The following SRGAP2B variants were observed in gnomAD, a reference collection of about 807,000 sequenced individuals.
SRGAP2B encodes the protein SLIT-ROBO Rho GTPase activating protein 2B, also known as SLIT-ROBO Rho GTPase-activating protein 2B.
SRGAP2B carries 9 observed loss-of-function variants against 22.2 expected under a neutral mutation model. The observed-to-expected ratio is 0.41, with a 90% CI of 0.24 to 0.71. The LOEUF (loss-of-function observed/expected upper bound fraction) is 0.71. Among genes scored for constraint, SRGAP2B ranks in the 30% least tolerant of loss-of-function variants. The pLI is 0.35. For missense variants in SRGAP2B, 114 were observed against 235.8 expected (o/e 0.48, Z 3.38); for synonymous variants, 36 against 87.4 (o/e 0.41, Z 3.28).
intron 2 of SRGAP2B, among the ~76,000 whole-genome samples, chr1:145,088,451 A>T (rs1653632770): frequency 7.0e-6 from 1 of 141,980 alleles, no homozygotes; most frequent in African/African-American, 2.6e-5. Flanking sequence ...CTCCTAAGAC[A>T]TTAAAAAAAA....
chr1:144,998,717 C>T (rs1414616505), intron 2 of SRGAP2B, among the ~76,000 whole-genome samples: 1 of 151,116 alleles, frequency 6.6e-6, no homozygotes, highest in Non-Finnish European at 1.5e-5. Context: ...TCAAAGAATC[C>T]ATACAGGCAT....
intron 4 of SRGAP2B, among the ~76,000 whole-genome samples, chr1:144,944,166 T>C (rs1553607965): frequency 6.6e-6 from 1 of 150,596 alleles, no homozygotes; most frequent in East Asian, 1.9e-4. Flanking sequence ...GGAAGATAAG[T>C]ACATCTAGAG....
chr1:145,007,366 T>C (rs1207555212), intron 2 of SRGAP2B, among the ~76,000 whole-genome samples: 2 of 150,570 alleles, frequency 1.3e-5, no homozygotes, highest in African/African-American at 5.0e-5. Context: ...GCAATGTTGA[T>C]TGGTTAACAA....
At chr1:145,005,474 T>G (rs1671529478) in intron 2 of SRGAP2B, among the ~76,000 whole-genome samples, 1 of 145,194 alleles carries the variant, frequency 6.9e-6, no homozygotes, top group South Asian at 2.2e-4. Context: ...GCATAAGTAC[T>G]GGCACATTGT....
chr1:144,962,543 C>T (rs1225824794), intron 3 of SRGAP2B, among the ~76,000 whole-genome samples: 1 of 100,946 alleles, frequency 9.9e-6, no homozygotes, highest in African/African-American at 4.1e-5. Context: ...CAAATTTAAG[C>T]TATCGTAGAC....
At chr1:145,058,647 G>A (rs1272643666) in intron 2 of SRGAP2B, among the ~76,000 whole-genome samples, 4 of 79,792 alleles carry the variant, frequency 5.0e-5, no homozygotes, top group Non-Finnish European at 7.0e-5. Flanking sequence ...TTTTTGAGAC[G>A]TTGTCTCACT....
chr1:145,002,783 T>A (rs1196535068), intron 2 of SRGAP2B, among the ~76,000 whole-genome samples: 1 of 142,476 alleles, frequency 7.0e-6, no homozygotes, highest in Non-Finnish European at 1.5e-5. Context: ...ACAAGATATA[T>A]AATTATATAG....
intron 3 of SRGAP2B, among the ~76,000 whole-genome samples, chr1:144,985,703 C>T (rs1191361086): frequency 1.3e-5 from 2 of 149,980 alleles, no homozygotes; most frequent in Non-Finnish European, 2.9e-5. Flanking sequence ...TTTACCACTG[C>T]TCTTAATCAA....
intron 3 of SRGAP2B, among the ~76,000 whole-genome samples, chr1:144,975,925 G>A (rs1570904888): frequency 2.3e-5 from 3 of 131,122 alleles, no homozygotes; most frequent in South Asian, 2.4e-4. Context: ...CCAGGCTGGA[G>A]TGCAGTGGCA....
At chr1:144,940,927 C>T (rs1411002441) in intron 4 of SRGAP2B, among the ~76,000 whole-genome samples, 31 of 148,632 alleles carry the variant, frequency 2.1e-4, no homozygotes, top group Non-Finnish European at 4.0e-4. Flanking sequence ...GATGCAATGA[C>T]ATGATAAAAA....
intron 3 of SRGAP2B, among the ~76,000 whole-genome samples, chr1:144,965,312 C>T (rs1342162603): frequency 1.4e-5 from 2 of 145,118 alleles, no homozygotes; most frequent in East Asian, 2.0e-4. Context: ...CAGACTGCCT[C>T]CTCAAGTGGG....
rs1405865822 is a variant in SRGAP2B at position 144,997,057 on chromosome 1, T to C, written c.68-1857A>G. On this transcript the variant is annotated intron_variant, in intron 2 of 9. Transcript: ENST00000612199. ...TATATTAGTGAAAAGCTGATAGTAA[T>C]AGACATTGGGTGGGCAGACTGTACA... Among the ~76,000 whole-genome samples the C allele has an allele frequency of 4.0e-5, 6 of 150,456 alleles. No homozygotes were observed. In the East Asian group the frequency reaches 9.7e-4, roughly 24 times the overall value.
intron 5 of SRGAP2B, among the ~76,000 whole-genome samples, chr1:144,910,992 CAGCTGGCCA>C (rs1213672507): frequency 1.4e-3 from 9 of 6,222 alleles, no homozygotes; most frequent in Admixed American, 3.7e-3. Context: ...TGCAGAGGGG[CAGCTGGCCA>C]CTCATGGCGG....
chr1:144,940,918 A>T (rs1665990656), intron 4 of SRGAP2B, among the ~76,000 whole-genome samples: 1 of 149,660 alleles, frequency 6.7e-6, no homozygotes, highest in Non-Finnish European at 1.5e-5. Flanking sequence ...TTAAAAGAAG[A>T]TGCAATGACA....
In SRGAP2B at chr1:144,984,369, A is replaced by ACAAC. The variant is rs1558801876; in HGVS notation, c.260+10638_260+10639insGTTG. On this transcript the variant is annotated intron_variant, in intron 3 of 9. Transcript: ENST00000612199. ...CAACAACAACAACAACAACAACAAA[A>ACAAC]AAAAAAAAACAAAAAAGCCCCTCTC... Among the ~76,000 whole-genome samples, 13 of 146,526 alleles carry ACAAC rather than the reference A, an allele frequency of 8.9e-5. No individual in the cohort carries two copies. In the South Asian group the frequency reaches 2.3e-3, roughly 26 times the overall value.
At chr1:145,045,296 CAA>C (rs71259136) in intron 2 of SRGAP2B, among the ~76,000 whole-genome samples, 10 of 41,950 alleles carry the variant, frequency 2.4e-4, no homozygotes, top group African/African-American at 6.8e-4. Flanking sequence ...GACTCCGCCT[CAA>C]AAAAAAAAAA....
intron 4 of SRGAP2B, among the ~76,000 whole-genome samples, chr1:144,930,724 T>A (rs1198710920): frequency 1.3e-5 from 2 of 149,636 alleles, no homozygotes; most frequent in East Asian, 3.9e-4. Context: ...CTTCGAATTC[T>A]CTTTCCAATA....
chr1:145,088,564 CT>C (rs1653649248), intron 2 of SRGAP2B, among the ~76,000 whole-genome samples: 1 of 129,386 alleles, frequency 7.7e-6, no homozygotes, highest in African/African-American at 3.0e-5. Flanking sequence ...TTTGCATGAA[CT>C]GTCAATCTCA....
intron 2 of SRGAP2B, among the ~76,000 whole-genome samples, chr1:145,031,816 C>T (rs1321124613): frequency 2.9e-5 from 4 of 136,700 alleles, no homozygotes; most frequent in African/African-American, 1.2e-4. Flanking sequence ...CACTGCACTC[C>T]AGCCTGGGCG....
Sources: gnomAD v4.1 joint callset for allele counts (sites outside exome capture counted in the v4.1 genomes callset) on GRCh38, gnomAD v4.1.1 for gene constraint, MANE v1.5 for transcripts, NCBI Gene and HGNC (gene_info 2026-07-23, HGNC 2026-07-21) for gene names.